Variants in ACOT12 observed in about 807,000 individuals in gnomAD.
The protein encoded by ACOT12 is acyl-CoA thioesterase 12, also known as acetyl-coenzyme A thioesterase.
In ACOT12, 51 loss-of-function variants were observed where a neutral mutation model predicts 67.7. The ratio of observed to expected loss-of-function variants is 0.75; its 90% CI spans 0.60 to 0.95. The LOEUF (loss-of-function observed/expected upper bound fraction) is 0.95. Ranked by LOEUF, ACOT12 falls within the 40% of genes least tolerant of loss-of-function variation. ACOT12 has a pLI of 0.00. For missense variants in ACOT12, 734 were observed against 708.1 expected (o/e 1.04, Z -0.41); for synonymous variants, 251 against 244.6 (o/e 1.03, Z -0.24).
intron 6 of ACOT12, among the ~76,000 whole-genome samples, chr5:81,347,045 T>C (rs1759402402): frequency 6.6e-6 from 1 of 152,206 alleles, no homozygotes; most frequent in South Asian, 2.1e-4. Flanking sequence ...TTCAATTATT[T>C]CTTTGGCCAT....
At chr5:81,310,413 G>C in the ACOT12 span, among the ~76,000 whole-genome samples, 1 of 152,024 alleles carries the variant, frequency 6.6e-6, no homozygotes, top group Non-Finnish European at 1.5e-5. Context: ...ATTATGTTGG[G>C]GGAAAAGTAG....
chr5:81,373,938 T>C (rs371318702), intron 2 of ACOT12, among the ~76,000 whole-genome samples: 73 of 152,304 alleles, frequency 4.8e-4, no homozygotes, highest in African/African-American at 1.6e-3. Context: ...CCCTGCCTGA[T>C]GGCTCTGAAG....
chr5:81,380,298 T>G (rs1364354735), intron 2 of ACOT12, among the ~76,000 whole-genome samples: 1 of 152,056 alleles, frequency 6.6e-6, no homozygotes, highest in Admixed American at 6.6e-5. Flanking sequence ...GCATGGTGGC[T>G]CACACCTGTA....
intron 5 of ACOT12, among the ~76,000 whole-genome samples, chr5:81,354,649 ATC>A (rs910328679): frequency 2.6e-5 from 4 of 152,164 alleles, no homozygotes; most frequent in Non-Finnish European, 5.9e-5. Flanking sequence ...GACACGAATT[ATC>A]TCTTTCTTTT....
chr5:81,324,519 T>A, the ACOT12 span, among the ~76,000 whole-genome samples: 3 of 152,114 alleles, frequency 2.0e-5, no homozygotes, highest in Non-Finnish European at 4.4e-5. Flanking sequence ...CCTAGAGACA[T>A]AGATGTGGGA....
At chr5:81,380,073 T>C (rs1238563668) in intron 2 of ACOT12, among the ~76,000 whole-genome samples, 1 of 152,256 alleles carries the variant, frequency 6.6e-6, no homozygotes, top group African/African-American at 2.4e-5. Context: ...CATATGTATA[T>C]TTATTTAAGC....
intron 2 of ACOT12, among the ~76,000 whole-genome samples, chr5:81,375,436 A>T (rs1210756149): frequency 6.6e-6 from 1 of 152,194 alleles, no homozygotes; most frequent in Non-Finnish European, 1.5e-5. Context: ...GCATCAACTA[A>T]CAGGCAAAAG....
chr5:81,328,183 G>T (rs1758720991), downstream of ACOT12, among the ~76,000 whole-genome samples: 1 of 152,068 alleles, frequency 6.6e-6, no homozygotes, highest in Admixed American at 6.6e-5. Flanking sequence ...CTGCCTGCAG[G>T]CTTTTGCTCA....
chr5:81,369,334 G>C (rs1045900626), intron 3 of ACOT12, among the ~76,000 whole-genome samples: 1 of 152,202 alleles, frequency 6.6e-6, no homozygotes, highest in Admixed American at 6.5e-5. Flanking sequence ...GCTTGCTTTG[G>C]ATTCAGGGAG....
chr5:81,385,493 G>T (rs1477348171), intron 2 of ACOT12, among the ~76,000 whole-genome samples: 1 of 152,006 alleles, frequency 6.6e-6, no homozygotes, highest in Non-Finnish European at 1.5e-5. Context: ...AGTCTGTTTG[G>T]CTGTTATGCC....
chr5:81,363,720 C>T lies in ACOT12; in HGVS notation c.360+68G>A. 2.6e-6 allele frequency: 3 copies of T among 1,167,896 alleles called. No homozygotes were observed. The South Asian group carries it at 4.8e-5, about 19-fold the overall frequency. The allele number at this position is 1,167,896 out of a possible 1,614,324, so 72.3% of individuals were successfully genotyped here. On this transcript the variant is annotated intron_variant, in intron 4 of 14. Transcript: ENST00000307624. Reference sequence around the variant, plus strand: ...GAAGAAGTGTCATTTTTTTCTATAACATTCTGATGCAATTGTTACTATGTC... The same window carrying T: ...GAAGAAGTGTCATTTTTTTCTATAATATTCTGATGCAATTGTTACTATGTC...
At chr5:81,392,430 TA>T (rs535800467) in intron 1 of ACOT12, among the ~76,000 whole-genome samples, 40 of 152,214 alleles carry the variant, frequency 2.6e-4, no homozygotes, top group Non-Finnish European at 5.0e-4. Flanking sequence ...TTATTAATAT[TA>T]TACTACTAAT....
At chr5:81,354,805 G>A (rs1478137208) in intron 5 of ACOT12, among the ~76,000 whole-genome samples, 1 of 151,888 alleles carries the variant, frequency 6.6e-6, no homozygotes, top group African/African-American at 2.4e-5. Flanking sequence ...TTGGGTTCAA[G>A]CAATTCTCTT....
In ACOT12 at chr5:81,363,866, C is replaced by G; in HGVS notation, c.282G>C (p.Gln94His). Residue 94 changes from glutamine to histidine, a missense_variant, in exon 4 of 15, where the codon CAG becomes CAC. Gln to His is a conservative substitution (Grantham distance 24, BLOSUM62 0). Transcript: ENST00000307624. ...SMEISIKVMV[Q>H]DMLTGIEKLV... Reference sequence around the variant, plus strand: ...GCTTCTCAATGCCAGTGAGCATATCCTGTACCATGACCTTGATACTGATCT... The same window carrying G: ...GCTTCTCAATGCCAGTGAGCATATCGTGTACCATGACCTTGATACTGATCT... The G allele has an allele frequency of 6.2e-7, 1 of 1,609,830 alleles. No homozygotes were observed. The highest frequency in any genetic ancestry group is 1.1e-5 in the South Asian group (1 of 90,520).
At chr5:81,377,156 T>C (rs575189819) in intron 2 of ACOT12, among the ~76,000 whole-genome samples, 1 of 152,316 alleles carries the variant, frequency 6.6e-6, no homozygotes, top group South Asian at 2.1e-4. Flanking sequence ...CAAGTCAGCT[T>C]CATCCCTGGG....
At chr5:81,389,213 C>T (rs1760804241) in intron 1 of ACOT12, among the ~76,000 whole-genome samples, 1 of 152,142 alleles carries the variant, frequency 6.6e-6, no homozygotes, top group Admixed American at 6.5e-5. Flanking sequence ...GCAGAGGGAA[C>T]AGTGACTACA....
At chr5:81,369,792 G>A (rs555663871) in intron 3 of ACOT12, among the ~76,000 whole-genome samples, 1 of 152,322 alleles carries the variant, frequency 6.6e-6, no homozygotes, top group Non-Finnish European at 1.5e-5. Flanking sequence ...TATTTGGACT[G>A]TCTATCAGGA....
chr5:81,323,456 A>G, the ACOT12 span, among the ~76,000 whole-genome samples: 2 of 152,152 alleles, frequency 1.3e-5, no homozygotes, highest in South Asian at 4.1e-4. Flanking sequence ...TGTTTTTCTC[A>G]TGACAGTGGC....
chr5:81,365,985 A>G (rs1226481202), intron 3 of ACOT12, among the ~76,000 whole-genome samples: 1 of 152,224 alleles, frequency 6.6e-6, no homozygotes, highest in Non-Finnish European at 1.5e-5. Context: ...CTTCTGAGGA[A>G]CAAGCAATTC....
Sources: gnomAD v4.1 joint callset for allele counts (sites outside exome capture counted in the v4.1 genomes callset) on GRCh38, gnomAD v4.1.1 for gene constraint, MANE v1.5 for transcripts, NCBI Gene and HGNC (gene_info 2026-07-23, HGNC 2026-07-21) for gene names.